Variants in C18orf32 observed in about 807,000 individuals in gnomAD.
The protein encoded by C18orf32 is chromosome 18 open reading frame 32, also known as UPF0729 protein C18orf32.
In C18orf32, 5 loss-of-function variants were observed where a neutral mutation model predicts 7.4. The observed-to-expected ratio is 0.68, with a 90% CI of 0.35 to 1.42. C18orf32 has a LOEUF of 1.42. Among genes scored for constraint, C18orf32 ranks in the 40% most tolerant of loss-of-function variants. The pLI is 0.04. For missense variants in C18orf32, 88 were observed against 92.4 expected, an observed-to-expected ratio of 0.95 and a Z score of 0.19; for synonymous variants, 30 against 29.3, an observed-to-expected ratio of 1.02 and a Z score of -0.08.
At chr18:49,482,620 A>G (rs373318683) in intron 2 of C18orf32, among the ~76,000 whole-genome samples, 74 of 151,822 alleles carry the variant, frequency 4.9e-4, no homozygotes, top group African/African-American at 1.7e-3. Flanking sequence ...CCAGCTACTC[A>G]GGAGGCTGAG....
At position 49,487,154 on chromosome 18, in the gene C18orf32, C is replaced by T. The variant is rs1049251663; in HGVS notation, c.-135G>A. The stretch of plus-strand genomic sequence containing the variant: ...CTCTGCGAGCGCGGCCCGGGCTGGG[C>T]CTGCGGAGCAGCTACAAAGCCCAAC... On this transcript the variant is annotated 5_prime_UTR_variant, in exon 1 of 3. Coordinates refer to ENST00000318240, the MANE Select transcript of C18orf32 (RefSeq NM_001035005.4). 1.4e-4 allele frequency: 22 copies of T among 152,536 alleles called. No homozygotes were observed. The highest frequency in any genetic ancestry group is 4.8e-4 in the African/African-American group (20 of 41,468). The allele number at this position is 152,536 out of a possible 1,614,324, so 9.4% of individuals were successfully genotyped here.
intron 1 of C18orf32, chr18:49,485,903 C>T (rs1289563294): frequency 2.6e-5 from 4 of 151,504 alleles, no homozygotes; most frequent in Non-Finnish European, 4.4e-5. Flanking sequence ...ATTACTGGAA[C>T]CTGGCCTAAT....
chr18:49,483,529 A>G, intron 2 of C18orf32, 55 bp downstream of exon 2: 1 of 1,493,358 alleles, frequency 6.7e-7, no homozygotes, highest in South Asian at 1.4e-5. Flanking sequence ...CTAGTGTTTC[A>G]CCCAAGTACC....
chr18:49,483,604 T>C lies in C18orf32; in HGVS notation c.145A>G (p.Lys49Glu), dbSNP rs376746396. The C allele has an allele frequency of 8.7e-6, 14 of 1,605,658 alleles. No individual in the cohort carries two copies. The highest frequency in any genetic ancestry group is 1.2e-5 in the Non-Finnish European group (14 of 1,178,172). ...CTTACCTTAAAGTTTACTTTGCCTTTGTTTGTATCATTGGATTCTTGTATT... is the reference window on the plus strand; with the variant it reads ...CTTACCTTAAAGTTTACTTTGCCTTCGTTTGTATCATTGGATTCTTGTATT... Reference protein sequence around the residue: ...KAIQESNDTNKGKVNFKGADM... With the variant: ...KAIQESNDTNEGKVNFKGADM... Residue 49 changes from lysine to glutamate, a missense_variant, in exon 2 of 3, where the codon AAA becomes GAA. Lys to Glu is a moderately conservative substitution (Grantham distance 56, BLOSUM62 1). Coordinates refer to ENST00000318240, the MANE Select transcript of C18orf32 (RefSeq NM_001035005.4).
chr18:49,482,476 C>G, intron 2 of C18orf32, 66 bp from the exon 3 acceptor site: 2 of 1,153,494 alleles, frequency 1.7e-6, no homozygotes, highest in Non-Finnish European at 2.6e-6. Flanking sequence ...TGCCTGTAAT[C>G]CCAGCACTTT....
intron 1 of C18orf32, chr18:49,484,954 G>C (rs1741201604): frequency 6.6e-6 from 1 of 151,876 alleles, no homozygotes; most frequent in Non-Finnish European, 1.5e-5. Flanking sequence ...TGGTGGAGCA[G>C]GCCTGTAATC....
chr18:49,483,607 T>C lies in C18orf32; in HGVS notation c.142A>G (p.Asn48Asp), dbSNP rs1323651117. Residue 48 changes from asparagine (N) to aspartate (D), a missense_variant, in exon 2 of 3, where the codon AAC becomes GAC. Transcript: ENST00000318240. The stretch of plus-strand genomic sequence containing the variant: ...ACCTTAAAGTTTACTTTGCCTTTGT[T>C]TGTATCATTGGATTCTTGTATTGCT... ...KKAIQESNDT[N>D]KGKVNFKGAD... 2 of 1,607,364 alleles carry C rather than the reference T, an allele frequency of 1.2e-6. No individual in the cohort carries two copies. Among genetic ancestry groups the C allele is most frequent in the Non-Finnish European group, 1.7e-6 (2 of 1,178,600 alleles).
At position 49,477,302 on chromosome 18, in the gene C18orf32, C is replaced by T. The variant is rs530951958; in HGVS notation, c.*5043G>A. 2 of 150,200 alleles carry T rather than the reference C, an allele frequency of 1.3e-5. No individual in the cohort carries two copies. The highest frequency in any genetic ancestry group is 6.6e-5 in the Admixed American group (1 of 15,206). 9.3% of individuals were successfully genotyped at this position (150,200 alleles called of 1,614,324 possible). On this transcript the variant is annotated 3_prime_UTR_variant, in exon 3 of 3. Transcript: ENST00000318240. ...TTGAAACGGGGTATTGCTCTGTTGT[C>T]CTGGCTGGAGTACAGTGGTGTGATC...
chr18:49,486,331 A>C (rs768170265), intron 1 of C18orf32: 1 of 152,186 alleles, frequency 6.6e-6, no homozygotes, highest in Non-Finnish European at 1.5e-5. Context: ...CAGGCCCTCC[A>C]TCATAAAGAT....
chr18:49,478,084 A>ATC lies in C18orf32; in HGVS notation c.*4260_*4261insGA, dbSNP rs2083633781. 6.7e-6 allele frequency: 1 copy of ATC among 149,300 alleles called. No homozygotes were observed. The highest frequency in any genetic ancestry group is 1.5e-5 in the Non-Finnish European group (1 of 67,952). 9.2% of individuals were successfully genotyped at this position (149,300 alleles called of 1,614,324 possible). A position where few individuals can be genotyped will look rare whatever the true frequency, so the allele number is the denominator to read the frequency against. ...AGGGTCTTGCTCTGTTGTCCAAGCT[A>ATC]GAGTGCAGTGGCTTGATCACAGCTC... On this transcript the variant is annotated 3_prime_UTR_variant, in exon 3 of 3. Coordinates refer to ENST00000318240, the MANE Select transcript of C18orf32 (RefSeq NM_001035005.4).
rs948492938 is a variant in C18orf32 at position 49,480,035 on chromosome 18, A to T, written c.*2310T>A. On this transcript the variant is annotated 3_prime_UTR_variant, in exon 3 of 3. Coordinates refer to ENST00000318240, the MANE Select transcript of C18orf32 (RefSeq NM_001035005.4). The stretch of plus-strand genomic sequence containing the variant: ...ATGTCTGAAGTTGATGGCTCAAAAT[A>T]TAACAGTATAGCCAGGCAGTGGCTC... 1 of 152,276 alleles carries T rather than the reference A, an allele frequency of 6.6e-6. No homozygotes were observed. Among genetic ancestry groups the T allele is most frequent in the Non-Finnish European group, 1.5e-5 (1 of 68,080 alleles). The allele number at this position is 152,276 out of a possible 1,614,324, so 9.4% of individuals were successfully genotyped here. A position where few individuals can be genotyped will look rare whatever the true frequency, so the allele number is the denominator to read the frequency against.
Position 49,480,956 on chromosome 18 carries a change from C to CAAT in C18orf32, c.*1388_*1389insATT, listed in dbSNP as rs141030147. On this transcript the variant is annotated 3_prime_UTR_variant, in exon 3 of 3. Transcript: ENST00000318240. ...TACTGTCTAACAAAAACAAACCATACAACAACAACAACAAAAAAACAATTG... is the reference window on the plus strand; with the variant it reads ...TACTGTCTAACAAAAACAAACCATACAATAACAACAACAACAAAAAAACAATTG... The CAAT allele has an allele frequency of 4.1e-5, 6 of 145,958 alleles. No individual in the cohort carries two copies. The highest frequency in any genetic ancestry group is 9.1e-5 in the Non-Finnish European group (6 of 65,948). 9.0% of individuals were successfully genotyped at this position (145,958 alleles called of 1,614,324 possible).
At chr18:49,483,252 A>T (rs80008738) in intron 2 of C18orf32, among the ~76,000 whole-genome samples, 6,099 of 151,746 alleles carry the variant, frequency 0.04, 406 homozygotes, top group African/African-American at 0.14. Flanking sequence ...ACTCATTTTT[A>T]AAAAAATTGT....
chr18:49,484,167 TACACACACACACAC>T (rs72071720), intron 1 of C18orf32, among the ~76,000 whole-genome samples: 7 of 93,834 alleles, frequency 7.5e-5, no homozygotes, highest in East Asian at 5.8e-4. Context: ...TATATATATA[TACACACACACACAC>T]ACACACACAC....
At chr18:49,486,988 G>C (rs1053116810) in intron 1 of C18orf32, 55 bp downstream of exon 1, 1 of 152,266 alleles carries the variant, frequency 6.6e-6, no homozygotes, top group Non-Finnish European at 1.5e-5. Context: ...TACAGACAGA[G>C]GGGAGGGGAG....
chr18:49,484,147 AAT>A (rs1195810142), intron 1 of C18orf32, among the ~76,000 whole-genome samples: 1 of 65,596 alleles, frequency 1.5e-5, no homozygotes, highest in African/African-American at 8.2e-5. Flanking sequence ...AAAAAAAAAA[AAT>A]ATATATATAT....
chr18:49,478,284 G>A lies in C18orf32; in HGVS notation c.*4061C>T, dbSNP rs1297788136. ...CCTGTTTTTCTTTTTCTTTTCTTTT[G>A]AGACAGTCTTGCTCTGTCACCTAGG... On this transcript the variant is annotated 3_prime_UTR_variant, in exon 3 of 3. Transcript: ENST00000318240. 1 of 149,740 alleles carries A rather than the reference G, an allele frequency of 6.7e-6. No individual in the cohort carries two copies. The highest frequency in any genetic ancestry group is 2.6e-5 in the African/African-American group (1 of 39,166). The allele number at this position is 149,740 out of a possible 1,614,324, so 9.3% of individuals were successfully genotyped here.
In C18orf32 at chr18:49,478,644, G is replaced by T. The variant is rs2083637427; in HGVS notation, c.*3701C>A. ...TGTGAAACACCCATGAACAGTGCAGGTACAATGTGTTTAACAAAGGGTAGC... is the reference window on the plus strand; with the variant it reads ...TGTGAAACACCCATGAACAGTGCAGTTACAATGTGTTTAACAAAGGGTAGC... On this transcript the variant is annotated 3_prime_UTR_variant, in exon 3 of 3. Transcript: ENST00000318240. The T allele has an allele frequency of 6.7e-6, 1 of 150,246 alleles. No individual in the cohort carries two copies. Among genetic ancestry groups the T allele is most frequent in the South Asian group, 2.1e-4 (1 of 4,830 alleles). The allele number at this position is 150,246 out of a possible 1,614,324, so 9.3% of individuals were successfully genotyped here. A position where few individuals can be genotyped will look rare whatever the true frequency, so the allele number is the denominator to read the frequency against.
chr18:49,477,834 C>CACTAT lies in C18orf32; in HGVS notation c.*4510_*4511insATAGT, dbSNP rs1555768276. 4 of 80,706 alleles carry CACTAT rather than the reference C, an allele frequency of 5.0e-5. No individual in the cohort carries two copies. Among genetic ancestry groups the CACTAT allele is most frequent in the African/African-American group, 2.1e-4 (4 of 18,638 alleles). The allele number at this position is 80,706 out of a possible 1,614,324, so 5.0% of individuals were successfully genotyped here. A position where few individuals can be genotyped will look rare whatever the true frequency, so the allele number is the denominator to read the frequency against. ...TATACACACACTATATATATATACA[C>CACTAT]ATATATATATATACACACACTATAT... is the stretch of plus-strand genomic sequence containing the variant. On this transcript the variant is annotated 3_prime_UTR_variant, in exon 3 of 3. Transcript: ENST00000318240.
Sources: gnomAD v4.1 joint callset for allele counts (sites outside exome capture counted in the v4.1 genomes callset) on GRCh38, gnomAD v4.1.1 for gene constraint, MANE v1.5 for transcripts, NCBI Gene and HGNC (gene_info 2026-07-23, HGNC 2026-07-21) for gene names.